CTPS2: variants seen among roughly 807,000 people sequenced by gnomAD.
CTPS2 encodes the protein CTP synthase II.
In CTPS2, 19 loss-of-function variants were observed where a neutral mutation model predicts 46.8. The observed-to-expected ratio is 0.41, with a 90% CI of 0.28 to 0.60. The LOEUF (loss-of-function observed/expected upper bound fraction) is 0.60, where lower values mean the gene tolerates loss of function less well. Ranked by LOEUF, CTPS2 falls within the 20% of genes least tolerant of loss-of-function variation. CTPS2 has a pLI of 0.35. For missense variants in CTPS2, 286 were observed against 447.6 expected (o/e 0.64, Z 3.26); for synonymous variants, 151 against 165.2 (o/e 0.91, Z 0.66).
At chrX:16,653,701 G>A (rs771846402) in intron 13 of CTPS2, among the ~76,000 whole-genome samples, 10 of 112,153 alleles carry the variant, frequency 8.9e-5, no homozygotes, top group Admixed American at 8.5e-4. Flanking sequence ...CAAGCCTATC[G>A]TGTGATTCTG....
At chrX:16,669,854 C>T (rs913267844) in intron 11 of CTPS2, among the ~76,000 whole-genome samples, 2 of 110,594 alleles carry the variant, frequency 1.8e-5, no homozygotes, top group Admixed American at 1.9e-4. Context: ...GCTGCCTCTC[C>T]CGCATCAAGG....
chrX:16,623,792 C>CTTTTTTTT (rs60328217), intron 14 of CTPS2, among the ~76,000 whole-genome samples: 22 of 21,689 alleles, frequency 1.0e-3, no homozygotes, highest in East Asian at 3.8e-3. Flanking sequence ...CCCCTCAATT[C>CTTTTTTTT]TTTTTTTTTT....
chrX:16,601,933 T>C (rs377619945), intron 17 of CTPS2, among the ~76,000 whole-genome samples: 1 of 111,207 alleles, frequency 9.0e-6, no homozygotes. Context: ...TTGAACTCGG[T>C]TGACAGCTAG....
chrX:16,711,805 T>G (rs1243318212), intron 1 of CTPS2: 1 of 111,587 alleles, frequency 9.0e-6, no homozygotes, highest in Non-Finnish European at 1.9e-5. Flanking sequence ...AGCAGCAGCG[T>G]AGTTCGGCAC....
At chrX:16,664,357 A>G (rs1920996022) in intron 13 of CTPS2, among the ~76,000 whole-genome samples, 1 of 111,848 alleles carries the variant, frequency 8.9e-6, no homozygotes, top group African/African-American at 3.2e-5. Context: ...GGAACCCTTC[A>G]TTGGTATTAG....
chrX:16,640,804 C>T (rs748306378), intron 13 of CTPS2, among the ~76,000 whole-genome samples: 1 of 111,513 alleles, frequency 9.0e-6, no homozygotes, highest in South Asian at 3.8e-4. Context: ...ACCGTAATTG[C>T]CACATATTGC....
At chrX:16,593,955 T>G (rs1929088935) in intron 17 of CTPS2, among the ~76,000 whole-genome samples, 2 of 110,946 alleles carry the variant, frequency 1.8e-5, no homozygotes, top group South Asian at 7.6e-4. Flanking sequence ...AAATGGAGAC[T>G]CCTTCCTCGT....
chrX:16,686,536 C>T, intron 8 of CTPS2, among the ~76,000 whole-genome samples: 4 of 111,918 alleles, frequency 3.6e-5, no homozygotes, highest in Middle Eastern at 4.6e-3. Context: ...TGCCTTACAT[C>T]CAATGACAAG....
At chrX:16,612,740 A>G (rs1325448757) in intron 16 of CTPS2, among the ~76,000 whole-genome samples, 1 of 112,114 alleles carries the variant, frequency 8.9e-6, no homozygotes, top group Admixed American at 9.5e-5. Context: ...AAGAGAAACA[A>G]TGAAATCCCA....
intron 14 of CTPS2, among the ~76,000 whole-genome samples, chrX:16,631,633 T>G (rs920181889): frequency 2.7e-5 from 3 of 112,429 alleles, no homozygotes; most frequent in African/African-American, 9.7e-5. Context: ...AACATGTTCT[T>G]TCTAGCAGGT....
At chrX:16,636,874 G>A (rs1359055218) in intron 14 of CTPS2, among the ~76,000 whole-genome samples, 2 of 110,306 alleles carry the variant, frequency 1.8e-5, no homozygotes, top group Non-Finnish European at 3.8e-5. Flanking sequence ...CCGAGATTTC[G>A]CCACTGCACT....
At chrX:16,683,562 G>A (rs1434277357) in intron 8 of CTPS2, among the ~76,000 whole-genome samples, 1 of 112,096 alleles carries the variant, frequency 8.9e-6, no homozygotes, top group African/African-American at 3.2e-5. Flanking sequence ...TCACACCACT[G>A]CACTCCAGCC....
At chrX:16,669,022 T>C in intron 11 of CTPS2, among the ~76,000 whole-genome samples, 1 of 111,254 alleles carries the variant, frequency 9.0e-6, no homozygotes, top group Admixed American at 9.6e-5. Flanking sequence ...GGCCAGAGGT[T>C]GAGTGCCTAC....
chrX:16,655,212 C>T (rs763886460), intron 13 of CTPS2, among the ~76,000 whole-genome samples: 4 of 112,285 alleles, frequency 3.6e-5, no homozygotes, highest in South Asian at 7.4e-4. Flanking sequence ...TGACCCTCGA[C>T]GGGGAACAGA....
intron 17 of CTPS2, among the ~76,000 whole-genome samples, chrX:16,593,956 C>A (rs1213792263): frequency 2.7e-5 from 3 of 111,088 alleles, no homozygotes; most frequent in African/African-American, 9.8e-5. Context: ...AATGGAGACT[C>A]CTTCCTCGTT....
At chrX:16,591,002 A>G in intron 17 of CTPS2, 140 bp from the exon 18 acceptor site, 1 of 426,243 alleles carries the variant, frequency 2.3e-6, no homozygotes, top group South Asian at 4.3e-5. Context: ...AGCACTTTCT[A>G]GTCACCACAG....
intron 13 of CTPS2, among the ~76,000 whole-genome samples, chrX:16,663,755 G>A (rs73207118): frequency 8.7e-4 from 97 of 111,724 alleles, no homozygotes; most frequent in Non-Finnish European, 1.5e-3. Context: ...GAAGGGAACC[G>A]AAGTGAGGTG....
Position 16,620,287 on chromosome X carries a change from T to C in CTPS2, c.1439A>G (p.His480Arg). The C allele has an allele frequency of 8.3e-7, 1 of 1,203,936 alleles. No individual in the cohort carries two copies. The highest frequency in any genetic ancestry group is 1.1e-6 in the Non-Finnish European group (1 of 888,850). ...GCATGAAAGCCGTACCTCGAACCGA[T>C]GTCTGTGTCTTTCTTCTATAAAAGG... The part of the protein sequence containing the change: ...DVPFIEERHR[H>R]RFEVNPNLIK... The change falls in exon 15 of 19, where the codon CAT becomes CGT. Residue 480 changes from histidine to arginine, a missense_variant. Physicochemically the swap from His to Arg is conservative, Grantham distance 29 (BLOSUM62 0). Transcript: ENST00000359276.
At chrX:16,633,410 T>A (rs1022329148) in intron 14 of CTPS2, among the ~76,000 whole-genome samples, 1 of 111,862 alleles carries the variant, frequency 8.9e-6, no homozygotes, top group African/African-American at 3.3e-5. Flanking sequence ...GGTTTTTACA[T>A]TTTAAATTGG....
Sources: gnomAD v4.1 joint callset for allele counts (sites outside exome capture counted in the v4.1 genomes callset) on GRCh38, gnomAD v4.1.1 for gene constraint, MANE v1.5 for transcripts, NCBI Gene and HGNC (gene_info 2026-07-23, HGNC 2026-07-21) for gene names.